The following DOK6 variants were observed in gnomAD, a reference collection of about 807,000 sequenced individuals.
DOK6 encodes docking protein 6.
DOK6 carries 22 observed loss-of-function variants against 44.0 expected under a neutral mutation model. The observed-to-expected ratio is 0.50, with a 90% CI of 0.36 to 0.71. The LOEUF is 0.71. DOK6 is among the 30% of genes least tolerant of loss of function. The probability of loss-of-function intolerance (pLI) is 0.00; values close to 1 mark genes in which losing one functional copy is unlikely to be tolerated. For synonymous variants in DOK6, 166 were observed against 145.5 expected (o/e 1.14, Z -1.01); for missense variants, 340 against 416.4 (o/e 0.82, Z 1.60).
At chr18:69,809,156 C>T (rs1036144099) in intron 7 of DOK6, among the ~76,000 whole-genome samples, 1 of 151,644 alleles carries the variant, frequency 6.6e-6, no homozygotes, top group Admixed American at 6.6e-5. Context: ...ATACTCACAA[C>T]ATATGCAAAT....
intron 2 of DOK6, among the ~76,000 whole-genome samples, chr18:69,569,540 T>C (rs1418988277): frequency 1.3e-5 from 2 of 152,124 alleles, no homozygotes; most frequent in East Asian, 1.9e-4. Context: ...TGGAGTCCAA[T>C]CTAAAAGGAA....
chr18:69,704,280 T>G (rs975147540), intron 5 of DOK6, among the ~76,000 whole-genome samples: 1 of 152,008 alleles, frequency 6.6e-6, no homozygotes, highest in Non-Finnish European at 1.5e-5. Context: ...ATGTGGAATA[T>G]TTGGAAAGTA....
intron 7 of DOK6, among the ~76,000 whole-genome samples, chr18:69,835,461 T>C (rs1982023747): frequency 7.9e-6 from 1 of 126,132 alleles, no homozygotes; most frequent in African/African-American, 3.0e-5. Flanking sequence ...CGAGACTCCG[T>C]CTCAAAAAAA....
intron 1 of DOK6, among the ~76,000 whole-genome samples, chr18:69,421,854 A>G (rs1041416337): frequency 2.0e-5 from 3 of 152,058 alleles, no homozygotes; most frequent in Admixed American, 6.5e-5. Context: ...TCTTGACCAC[A>G]CTCTGCGTTG....
At chr18:69,433,204 TAGG>T (rs1250811489) in intron 1 of DOK6, among the ~76,000 whole-genome samples, 2 of 152,206 alleles carry the variant, frequency 1.3e-5, no homozygotes, top group Admixed American at 6.5e-5. Context: ...CCACAATTTT[TAGG>T]AGATCTGTTA....
At chr18:69,562,802 G>T (rs1227384532) in intron 1 of DOK6, among the ~76,000 whole-genome samples, 1 of 152,120 alleles carries the variant, frequency 6.6e-6, no homozygotes, top group African/African-American at 2.4e-5. Context: ...TGACAAATGG[G>T]ATCTAATTAA....
intron 3 of DOK6, among the ~76,000 whole-genome samples, chr18:69,667,285 ATT>A (rs1281679687): frequency 6.6e-6 from 1 of 152,140 alleles, no homozygotes; most frequent in Non-Finnish European, 1.5e-5. Context: ...TGTGCCAGAT[ATT>A]TCTCTTCTTG....
intron 7 of DOK6, among the ~76,000 whole-genome samples, chr18:69,811,562 ATATATATATATATATC>A (rs1377643694): frequency 0.015 from 255 of 16,892 alleles, 4 homozygotes; most frequent in African/African-American, 0.021. Flanking sequence ...ATATATATAT[ATATATATATATATATC>A]AAAACACTAC....
chr18:69,439,224 G>T (rs1441006745), intron 1 of DOK6, among the ~76,000 whole-genome samples: 1 of 152,152 alleles, frequency 6.6e-6, no homozygotes, highest in African/African-American at 2.4e-5. Flanking sequence ...AAACCATGCT[G>T]TAAACAGATA....
At chr18:69,773,043 C>A (rs570143453) in intron 7 of DOK6, among the ~76,000 whole-genome samples, 1 of 152,054 alleles carries the variant, frequency 6.6e-6, no homozygotes, top group East Asian at 1.9e-4. Flanking sequence ...AGGACTTGAA[C>A]AAACATTTCT....
chr18:69,701,474 G>T (rs905503667), intron 5 of DOK6, among the ~76,000 whole-genome samples: 2 of 152,208 alleles, frequency 1.3e-5, no homozygotes, highest in African/African-American at 2.4e-5. Context: ...ATTTTATCCT[G>T]TGAAAGACAA....
At chr18:69,780,578 C>G (rs754452977) in intron 7 of DOK6, among the ~76,000 whole-genome samples, 1 of 152,132 alleles carries the variant, frequency 6.6e-6, no homozygotes, top group Non-Finnish European at 1.5e-5. Context: ...GGCAACAGAC[C>G]AAGACTCCGT....
At chr18:69,721,959 T>G (rs1978289285) in intron 5 of DOK6, among the ~76,000 whole-genome samples, 1 of 152,222 alleles carries the variant, frequency 6.6e-6, no homozygotes, top group African/African-American at 2.4e-5. Flanking sequence ...AAGCCTTAAT[T>G]AATAAGAGAA....
chr18:69,806,730 C>G (rs1034204402), intron 7 of DOK6, among the ~76,000 whole-genome samples: 5 of 151,870 alleles, frequency 3.3e-5, no homozygotes, highest in Non-Finnish European at 7.4e-5. Flanking sequence ...ATCAGAGACT[C>G]ACACCACTGG....
In DOK6 at chr18:69,564,409, T is replaced by A; in HGVS notation, c.67-78T>A. ...TCCTCTCTGAAGTACACTTAAAAAA[T>A]TGATTAATTGAATCAACTCCTAATG... On this transcript the variant is annotated intron_variant, in intron 1 of 7. Coordinates refer to ENST00000382713, the MANE Select transcript of DOK6 (RefSeq NM_152721.6). The A allele has an allele frequency of 6.4e-6, 8 of 1,241,600 alleles. No individual in the cohort carries two copies. The South Asian group carries it at 8.4e-5, about 13-fold the overall frequency. The allele number at this position is 1,241,600 out of a possible 1,614,324, so 76.9% of individuals were successfully genotyped here. A position where few individuals can be genotyped will look rare whatever the true frequency, so the allele number is the denominator to read the frequency against.
At chr18:69,561,524 A>G (rs965094651) in intron 1 of DOK6, among the ~76,000 whole-genome samples, 3 of 152,134 alleles carry the variant, frequency 2.0e-5, no homozygotes, top group Non-Finnish European at 4.4e-5. Flanking sequence ...AAGGGGCCAA[A>G]TAAGCACATA....
At chr18:69,528,875 A>C (rs17204373) in intron 1 of DOK6, among the ~76,000 whole-genome samples, 4,481 of 152,278 alleles carry the variant, frequency 0.029, 81 homozygotes, top group Middle Eastern at 0.048. Context: ...TGAAAACAGA[A>C]GTGAATTTTC....
intron 2 of DOK6, among the ~76,000 whole-genome samples, chr18:69,574,421 A>G (rs12456723): frequency 0.4 from 60,415 of 151,924 alleles, 13,655 homozygotes; most frequent in South Asian, 0.5. Flanking sequence ...GTAGAGTGCA[A>G]TGTTAAAAGT....
At chr18:69,433,163 A>G (rs1978854110) in intron 1 of DOK6, among the ~76,000 whole-genome samples, 2 of 152,180 alleles carry the variant, frequency 1.3e-5, no homozygotes, top group African/African-American at 4.8e-5. Flanking sequence ...GTTTAAGTCT[A>G]TATATTAATA....
Sources: gnomAD v4.1 joint callset for allele counts (sites outside exome capture counted in the v4.1 genomes callset) on GRCh38, gnomAD v4.1.1 for gene constraint, MANE v1.5 for transcripts, NCBI Gene and HGNC (gene_info 2026-07-23, HGNC 2026-07-21) for gene names.